HYDIN: variants seen among roughly 807,000 people sequenced by gnomAD.
The protein encoded by HYDIN is HYDIN axonemal central pair apparatus protein, also known as axonemal central pair apparatus protein HYDIN.
HYDIN carries 132 observed loss-of-function variants against 403.9 expected under a neutral mutation model. That is an observed-to-expected ratio of 0.33 (90% confidence interval 0.28 to 0.38). The LOEUF (loss-of-function observed/expected upper bound fraction) is 0.38, where lower values mean the gene tolerates loss of function less well. Among genes scored for constraint, HYDIN ranks in the 10% least tolerant of loss-of-function variants. HYDIN has a pLI of 1.00. For missense variants in HYDIN, 2,827 were observed against 5,009.5 expected, an observed-to-expected ratio of 0.56 and a Z score of 13.15; for synonymous variants, 1,202 against 1,891.7, an observed-to-expected ratio of 0.64 and a Z score of 9.46.
chr16:71,076,231 G>T (rs2144327082), intron 13 of HYDIN, among the ~76,000 whole-genome samples: 1 of 151,614 alleles, frequency 6.6e-6, no homozygotes, highest in African/African-American at 2.4e-5. Context: ...ACAACATAGT[G>T]CATTTAACCC....
At chr16:70,948,329 T>C (rs978617973) in intron 41 of HYDIN, among the ~76,000 whole-genome samples, 4 of 152,120 alleles carry the variant, frequency 2.6e-5, no homozygotes, top group African/African-American at 7.2e-5. Context: ...AAGACTTCAA[T>C]GTTAGTCCTA....
At chr16:70,821,742 A>T (rs531945700) in intron 83 of HYDIN, among the ~76,000 whole-genome samples, 255 of 149,896 alleles carry the variant, frequency 1.7e-3, no homozygotes, top group African/African-American at 5.5e-3. Flanking sequence ...GTTTTTTTTT[A>T]AAAACTAATT....
intron 7 of HYDIN, among the ~76,000 whole-genome samples, chr16:71,145,281 A>G (rs1305635072): frequency 6.7e-6 from 1 of 149,270 alleles, no homozygotes; most frequent in Admixed American, 6.7e-5. Flanking sequence ...TTTGAGATGG[A>G]GTCTAGCTCT....
At chr16:70,955,669 C>T (rs2078211750) in intron 39 of HYDIN, 121 bp from the exon 40 acceptor site, 6 of 565,848 alleles carry the variant, frequency 1.1e-5, no homozygotes, top group Non-Finnish European at 1.9e-5. Flanking sequence ...TGCCTCCTTC[C>T]CATGTGGCTG....
At chr16:71,222,465 A>C (rs912291127) in intron 1 of HYDIN, among the ~76,000 whole-genome samples, 11 of 152,206 alleles carry the variant, frequency 7.2e-5, no homozygotes, top group African/African-American at 2.7e-4. Context: ...TATTTGACAT[A>C]ATACTGGAAG....
chr16:71,225,487 T>C (rs1257012785), intron 1 of HYDIN, among the ~76,000 whole-genome samples: 1 of 152,252 alleles, frequency 6.6e-6, no homozygotes, highest in Admixed American at 6.5e-5. Flanking sequence ...TGCTTTGGAT[T>C]GACCACTCTG....
chr16:71,228,052 A>C (rs1261092085), intron 1 of HYDIN, among the ~76,000 whole-genome samples: 19 of 152,140 alleles, frequency 1.2e-4, no homozygotes, highest in South Asian at 2.1e-4. Context: ...CAAAAACAAG[A>C]AATGGGGAAA....
chr16:71,067,064 C>T, intron 15 of HYDIN: 2 of 628,984 alleles, frequency 3.2e-6, no homozygotes, highest in South Asian at 1.9e-5. Context: ...TCTTAGGATT[C>T]TCTGCCTAAA....
intron 5 of HYDIN, among the ~76,000 whole-genome samples, chr16:71,174,642 C>G (rs553926708): frequency 6.6e-6 from 1 of 152,158 alleles, no homozygotes; most frequent in African/African-American, 2.4e-5. Context: ...GGGGAGGAAG[C>G]CTCCACCCTC....
chr16:71,220,295 A>G (rs1182043126), intron 1 of HYDIN, among the ~76,000 whole-genome samples: 1 of 152,202 alleles, frequency 6.6e-6, no homozygotes, highest in Non-Finnish European at 1.5e-5. Context: ...GAAACTATAT[A>G]ACTACTAAGG....
intron 46 of HYDIN, among the ~76,000 whole-genome samples, chr16:70,919,624 GATC>G (rs958241004): frequency 1.2e-4 from 19 of 152,160 alleles, no homozygotes; most frequent in Admixed American, 6.5e-4. Context: ...GGCTGAGGCT[GATC>G]ATTTAAGGTC....
At chr16:71,205,294 G>GCAC (rs2088235280) in intron 1 of HYDIN, among the ~76,000 whole-genome samples, 1 of 152,182 alleles carries the variant, frequency 6.6e-6, no homozygotes, top group Non-Finnish European at 1.5e-5. Flanking sequence ...GCAAAGCTGC[G>GCAC]CACCAGCCTG....
chr16:71,163,345 G>A (rs914172011), intron 5 of HYDIN, among the ~76,000 whole-genome samples: 1 of 151,916 alleles, frequency 6.6e-6, no homozygotes. Context: ...GATGGGTCTT[G>A]ATATCCTGAC....
intron 50 of HYDIN, among the ~76,000 whole-genome samples, chr16:70,906,613 C>T (rs58167928): frequency 9.4e-4 from 143 of 152,238 alleles, no homozygotes; most frequent in Admixed American, 1.8e-3. Flanking sequence ...AGAATAACAG[C>T]GCACGAACAG....
At chr16:71,227,840 C>A (rs1266554319) in intron 1 of HYDIN, among the ~76,000 whole-genome samples, 1 of 152,152 alleles carries the variant, frequency 6.6e-6, no homozygotes, top group Non-Finnish European at 1.5e-5. Flanking sequence ...CAAAAAAGAG[C>A]CTGCATTGCC....
rs1421817524 is a variant in HYDIN, at chr16:71,020,335, G to A, written c.3187-18C>T. 1 of 1,609,718 alleles carries A rather than the reference G, an allele frequency of 6.2e-7. No individual in the cohort carries two copies. The highest frequency in any genetic ancestry group is 8.5e-7 in the Non-Finnish European group (1 of 1,178,404). Reference sequence around the variant, plus strand: ...TTAGGTTTCTGCAAAAACAGAAAAAGAGGAAACAAATCAACTTATGGTAAA... The same window carrying A: ...TTAGGTTTCTGCAAAAACAGAAAAAAAGGAAACAAATCAACTTATGGTAAA... On this transcript the variant is annotated intron_variant, in intron 21 of 85. Transcript: ENST00000393567.
chr16:71,214,964 C>A (rs1465153332), intron 1 of HYDIN, among the ~76,000 whole-genome samples: 1 of 152,218 alleles, frequency 6.6e-6, no homozygotes, highest in East Asian at 1.9e-4. Context: ...ATGGAGAGAT[C>A]TGCTCTATCA....
intron 20 of HYDIN, chr16:71,027,070 T>C (rs1268643977): frequency 1.1e-5 from 10 of 876,616 alleles, no homozygotes; most frequent in Non-Finnish European, 1.4e-5. Context: ...TTACGTAGAG[T>C]GTATGGAGAT....
At chr16:70,984,513 C>T (rs1351395348) in intron 28 of HYDIN, among the ~76,000 whole-genome samples, 1 of 146,868 alleles carries the variant, frequency 6.8e-6, no homozygotes, top group Non-Finnish European at 1.5e-5. Context: ...TAAAATAGTA[C>T]AGTATTAATG....
Sources: gnomAD v4.1 joint callset for allele counts (sites outside exome capture counted in the v4.1 genomes callset) on GRCh38, gnomAD v4.1.1 for gene constraint, MANE v1.5 for transcripts, NCBI Gene and HGNC (gene_info 2026-07-23, HGNC 2026-07-21) for gene names.